PTPRD: variants seen among roughly 807,000 people sequenced by gnomAD.
PTPRD encodes receptor-type tyrosine-protein phosphatase delta.
Under a neutral mutation model 214.5 loss-of-function variants are expected in PTPRD, and 34 were observed. The observed-to-expected ratio is 0.16, with a 90% CI of 0.12 to 0.21. PTPRD has a LOEUF of 0.21. PTPRD is among the 10% of genes least tolerant of loss of function. The pLI, the probability that PTPRD is intolerant of heterozygous loss-of-function variation, is 1.00. For synonymous variants in PTPRD, 1,128 were observed against 845.7 expected, an observed-to-expected ratio of 1.33 and a Z score of -5.79; for missense variants, 2,545 against 2,398.7, an observed-to-expected ratio of 1.06 and a Z score of -1.27.
chr9:10,429,617 G>T (rs575731374), intron 2 of PTPRD, among the ~76,000 whole-genome samples: 1 of 151,704 alleles, frequency 6.6e-6, no homozygotes, highest in South Asian at 2.1e-4. Context: ...ATAAGTGAGG[G>T]ATAAAAAATG....
chr9:10,144,589 A>T (rs187848537), intron 3 of PTPRD, among the ~76,000 whole-genome samples: 67 of 152,230 alleles, frequency 4.4e-4, no homozygotes, highest in Non-Finnish European at 6.5e-4. Flanking sequence ...AACAATGGAG[A>T]TGTCAGCATC....
chr9:9,038,005 T>G (rs940493208), intron 10 of PTPRD, among the ~76,000 whole-genome samples: 1 of 152,124 alleles, frequency 6.6e-6, no homozygotes, highest in Non-Finnish European at 1.5e-5. Context: ...CTTCACAGAG[T>G]TGGGTAGAAG....
At chr9:10,431,575 A>C (rs982449084) in intron 2 of PTPRD, among the ~76,000 whole-genome samples, 5 of 151,854 alleles carry the variant, frequency 3.3e-5, no homozygotes, top group African/African-American at 1.2e-4. Context: ...CAATGAACTC[A>C]AACAAATTTA....
chr9:8,502,876 A>G (rs909479935), intron 23 of PTPRD, among the ~76,000 whole-genome samples: 1 of 151,178 alleles, frequency 6.6e-6, no homozygotes, highest in African/African-American at 2.4e-5. Flanking sequence ...ACACACACAC[A>G]TATGTTAAAA....
In PTPRD at chr9:10,293,236, G is replaced by T. The variant is rs1460301818; in HGVS notation, c.-545+47727C>A. Reference sequence around the variant, plus strand: ...AGAAAGTTCAAGAAAAAATATTGGGGTTTTCCTGAAAGAGGTATAGAAAAA... The same window carrying T: ...AGAAAGTTCAAGAAAAAATATTGGGTTTTTCCTGAAAGAGGTATAGAAAAA... On this transcript the variant is annotated intron_variant, in intron 3 of 45. Coordinates refer to ENST00000381196, the MANE Select transcript of PTPRD (RefSeq NM_002839.4). 2.6e-5 allele frequency among the ~76,000 whole-genome samples: 4 copies of T among 151,786 alleles called. No individual in the cohort carries two copies. In the South Asian group the frequency reaches 8.3e-4, roughly 32 times the overall value.
chr9:9,001,277 A>G (rs1412461440), intron 11 of PTPRD, among the ~76,000 whole-genome samples: 2 of 152,050 alleles, frequency 1.3e-5, no homozygotes, highest in Non-Finnish European at 2.9e-5. Flanking sequence ...AGCCTGGGGA[A>G]GGTTTAGCAG....
intron 2 of PTPRD, among the ~76,000 whole-genome samples, chr9:10,441,826 T>C (rs897181708): frequency 2.0e-5 from 3 of 151,670 alleles, no homozygotes; most frequent in African/African-American, 2.4e-5. Context: ...TCATTTAGTA[T>C]GTAAGAGGTA....
rs115218127 is a variant in PTPRD, at chr9:9,008,527, C to T, written c.-104+10170G>A. ...AGGCATGAGCCACCGCGCCCGGCCT[C>T]CCCTTCATTATTTAGTGAAAACGCA... On this transcript the variant is annotated intron_variant, in intron 11 of 45. Transcript: ENST00000381196. Among the ~76,000 whole-genome samples, 793 of 151,962 alleles carry T rather than the reference C, an allele frequency of 5.2e-3. 14 individuals are homozygous for T. The highest frequency in any genetic ancestry group is 0.018 in the African/African-American group (765 of 41,490).
chr9:9,946,010 A>T (rs534213279), intron 4 of PTPRD, among the ~76,000 whole-genome samples: 2 of 91,954 alleles, frequency 2.2e-5, no homozygotes, highest in Admixed American at 2.2e-4. Context: ...ATGATATAAA[A>T]ACTACTATAT....
intron 11 of PTPRD, among the ~76,000 whole-genome samples, chr9:8,932,941 GGT>G (rs899705290): frequency 6.6e-6 from 1 of 152,116 alleles, no homozygotes; most frequent in African/African-American, 2.4e-5. Flanking sequence ...CAGCTAGCTT[GGT>G]GTCTGCCTAA....
chr9:10,221,842 G>C (rs934016102), intron 3 of PTPRD, among the ~76,000 whole-genome samples: 2 of 151,476 alleles, frequency 1.3e-5, no homozygotes, highest in African/African-American at 4.9e-5. Context: ...AAGCACTTGT[G>C]AAAGCAAACA....
chr9:8,344,573 A>G (rs1278992033), intron 39 of PTPRD, among the ~76,000 whole-genome samples: 1 of 152,048 alleles, frequency 6.6e-6, no homozygotes, highest in African/African-American at 2.4e-5. Flanking sequence ...TTTCCCCCAC[A>G]ATTCAAAATA....
chr9:9,005,755 A>C (rs572039900), intron 11 of PTPRD, among the ~76,000 whole-genome samples: 2 of 152,130 alleles, frequency 1.3e-5, no homozygotes, highest in East Asian at 3.9e-4. Flanking sequence ...TAAATGAGAG[A>C]TCCTTTTTCT....
chr9:8,911,569 G>C (rs2098748871), intron 11 of PTPRD, among the ~76,000 whole-genome samples: 1 of 152,006 alleles, frequency 6.6e-6, no homozygotes, highest in Non-Finnish European at 1.5e-5. Context: ...ACTATTTTTA[G>C]AAGGAAACAC....
chr9:8,720,479 T>G (rs72700402), intron 12 of PTPRD, among the ~76,000 whole-genome samples: 445 of 152,262 alleles, frequency 2.9e-3, no homozygotes, highest in Non-Finnish European at 4.0e-3. Context: ...TGTAAAATAT[T>G]TTGGCCATGA....
chr9:10,555,596 A>G (rs1024196002), intron 2 of PTPRD, among the ~76,000 whole-genome samples: 1 of 152,244 alleles, frequency 6.6e-6, no homozygotes, highest in East Asian at 1.9e-4. Context: ...ACAAAAGGCA[A>G]GAATACTCAA....
chr9:9,933,905 G>C (rs1321770771), intron 5 of PTPRD, among the ~76,000 whole-genome samples: 2 of 147,360 alleles, frequency 1.4e-5, no homozygotes, highest in Admixed American at 6.7e-5. Context: ...AATCAAACTA[G>C]AACTCAGGAT....
intron 7 of PTPRD, among the ~76,000 whole-genome samples, chr9:9,682,018 C>G (rs1469060650): frequency 1.3e-5 from 2 of 151,838 alleles, no homozygotes; most frequent in African/African-American, 4.8e-5. Context: ...CTCTCTTTCT[C>G]TGACAATTGA....
rs149327972 is a variant in PTPRD at position 9,629,238 on chromosome 9, G to GTGTATATATATATATATATA, written c.-286-54458_-286-54457insTATATATATATATATATACA. Among the ~76,000 whole-genome samples, 1,064 of 140,178 alleles carry GTGTATATATATATATATATA rather than the reference G, an allele frequency of 7.6e-3. 9 individuals carry two copies. Among genetic ancestry groups the GTGTATATATATATATATATA allele is most frequent in the Middle Eastern group, 0.019 (5 of 262 alleles). The allele number at this position is 140,178 out of a possible 152,430, so 92.0% of individuals were successfully genotyped here. On this transcript the variant is annotated intron_variant, in intron 7 of 45. Coordinates refer to ENST00000381196, the MANE Select transcript of PTPRD (RefSeq NM_002839.4). ...TGGGGAGATATATATGTGTGTGTGTGTATATATATATATATATATGAACAC... is the reference window on the plus strand; with the variant it reads ...TGGGGAGATATATATGTGTGTGTGTGTGTATATATATATATATATATATATATATATATATATATGAACAC...
Sources: gnomAD v4.1 joint callset for allele counts (sites outside exome capture counted in the v4.1 genomes callset) on GRCh38, gnomAD v4.1.1 for gene constraint, MANE v1.5 for transcripts, NCBI Gene and HGNC (gene_info 2026-07-23, HGNC 2026-07-21) for gene names.